TTC21B: variants seen among roughly 807,000 people sequenced by gnomAD.
TTC21B encodes the protein tetratricopeptide repeat domain 21B, also known as tetratricopeptide repeat protein 21B.
In TTC21B, 127 loss-of-function variants were observed where a neutral mutation model predicts 175.1. The observed-to-expected ratio is 0.73, with a 90% CI of 0.63 to 0.84. The LOEUF is 0.84. Among genes scored for constraint, TTC21B ranks in the 40% least tolerant of loss-of-function variants. The pLI, the probability that TTC21B is intolerant of heterozygous loss-of-function variation, is 0.00. For missense variants in TTC21B, 1,561 were observed against 1,558.3 expected (o/e 1.00, Z -0.03); for synonymous variants, 524 against 524.5 (o/e 1.00, Z 0.01).
At chr2:165,923,002 T>C (rs1325365760) in intron 12 of TTC21B, among the ~76,000 whole-genome samples, 2 of 152,144 alleles carry the variant, frequency 1.3e-5, no homozygotes, top group African/African-American at 4.8e-5. Context: ...AACCAAATAC[T>C]GTATGTTCTC....
chr2:165,888,136 T>C (rs184318067), intron 25 of TTC21B, 143 bp downstream of exon 25: 145 of 657,492 alleles, frequency 2.2e-4, no homozygotes, highest in Non-Finnish European at 4.3e-5. Flanking sequence ...GGGGACATTG[T>C]GTATGCCCAA....
rs1559046201 is a variant in TTC21B at position 165,898,677 on chromosome 2, G to A, written c.2950+9C>T. 1 of 1,578,076 alleles carries A rather than the reference G, an allele frequency of 6.3e-7. No individual in the cohort carries two copies. The highest frequency in any genetic ancestry group is 8.7e-7 in the Non-Finnish European group (1 of 1,147,198). ...CTGCACTCAAAAAATACAATAAGTA[G>A]GTATTTACCTGGCTTACGTTCTAAA... On this transcript the variant is annotated intron_variant, in intron 22 of 28. Coordinates refer to ENST00000243344, the MANE Select transcript of TTC21B (RefSeq NM_024753.5).
At chr2:165,931,567 T>C (rs1182686833) in intron 8 of TTC21B, among the ~76,000 whole-genome samples, 191 bp downstream of exon 8, 1 of 152,184 alleles carries the variant, frequency 6.6e-6, no homozygotes, top group Non-Finnish European at 1.5e-5. Context: ...ATTTCCTCCA[T>C]GAAGCCTCCA....
intron 13 of TTC21B, 73 bp downstream of exon 13, chr2:165,919,203 A>G: frequency 6.4e-7 from 1 of 1,568,006 alleles, no homozygotes; most frequent in South Asian, 1.1e-5. Flanking sequence ...ACAGGCTAAA[A>G]CACAAAATAC....
At chr2:165,934,282 G>A (rs1231888879) in intron 6 of TTC21B, among the ~76,000 whole-genome samples, 3 of 151,008 alleles carry the variant, frequency 2.0e-5, no homozygotes, top group African/African-American at 4.8e-5. Context: ...AGTCAAGAGC[G>A]AAAAAAAGAG....
intron 21 of TTC21B, 79 bp downstream of exon 21, chr2:165,899,691 T>C: frequency 1.1e-6 from 1 of 879,406 alleles, no homozygotes; most frequent in East Asian, 2.4e-5. Context: ...CCTCATCATC[T>C]AGTAGTAGTT....
chr2:165,949,432 A>G lies in TTC21B; in HGVS notation c.224T>C (p.Leu75Pro). 6.2e-7 allele frequency: 1 copy of G among 1,613,800 alleles called. No individual in the cohort carries two copies. Among genetic ancestry groups the G allele is most frequent in the Non-Finnish European group, 8.5e-7 (1 of 1,179,798 alleles). The stretch of plus-strand genomic sequence containing the variant: ...CATTTTATGGGCATATATCAGTGCA[A>G]GTAGAGAACAAAGTGATACATCTTG... ...NKQDVSLCSL[L>P]ALIYAHKMSP... Residue 75 changes from leucine (L) to proline (P), a missense_variant, in exon 3 of 29, where the codon CTT becomes CCT. By Grantham distance (98) the Leu-to-Pro change is moderately conservative. Transcript: ENST00000243344.
intron 12 of TTC21B, 96 bp from the exon 13 acceptor site, chr2:165,919,529 C>T (rs1686310293): frequency 4.4e-6 from 6 of 1,368,422 alleles, no homozygotes; most frequent in African/African-American, 1.4e-5. Flanking sequence ...TACGGATAGC[C>T]CTAGTGTTTG....
intron 7 of TTC21B, among the ~76,000 whole-genome samples, chr2:165,932,376 A>G (rs1483110983): frequency 6.6e-6 from 1 of 152,180 alleles, no homozygotes; most frequent in African/African-American, 2.4e-5. Context: ...TGAAGTATCT[A>G]TCAGGCACTG....
intron 27 of TTC21B, among the ~76,000 whole-genome samples, chr2:165,877,398 C>T (rs1684700915): frequency 6.6e-6 from 1 of 152,156 alleles, no homozygotes; most frequent in Non-Finnish European, 1.5e-5. Flanking sequence ...GTTTCATTAA[C>T]AACAGACCAC....
intron 9 of TTC21B, 123 bp downstream of exon 9, chr2:165,930,049 G>T: frequency 1.2e-6 from 1 of 866,344 alleles, no homozygotes; most frequent in Non-Finnish European, 1.8e-6. Context: ...TTCGAGTGTG[G>T]GCAGTAGAGA....
chr2:165,897,062 C>T (rs1309132566), intron 22 of TTC21B, among the ~76,000 whole-genome samples: 1 of 152,058 alleles, frequency 6.6e-6, no homozygotes, highest in Non-Finnish European at 1.5e-5. Flanking sequence ...CAACGTAGAA[C>T]AAAAAGAGAG....
intron 20 of TTC21B, 139 bp from the exon 21 acceptor site, chr2:165,900,019 A>AC (rs1400087706): frequency 1.5e-6 from 1 of 668,768 alleles, no homozygotes; most frequent in South Asian, 1.7e-5. Context: ...AAAAAAAAAA[A>AC]AAAAACAACA....
intron 4 of TTC21B, among the ~76,000 whole-genome samples, chr2:165,945,062 A>G (rs572436293): frequency 2.6e-5 from 4 of 152,334 alleles, no homozygotes; most frequent in African/African-American, 9.6e-5. Context: ...CATATCATCT[A>G]TCATTTTTCT....
intron 6 of TTC21B, among the ~76,000 whole-genome samples, chr2:165,938,774 G>C (rs1316460120): frequency 2.0e-5 from 3 of 151,952 alleles, no homozygotes; most frequent in African/African-American, 7.2e-5. Flanking sequence ...GAGAGGGAAA[G>C]AAAGAGTGAG....
At chr2:165,920,837 T>C (rs1686377180) in intron 12 of TTC21B, among the ~76,000 whole-genome samples, 1 of 152,028 alleles carries the variant, frequency 6.6e-6, no homozygotes, top group Non-Finnish European at 1.5e-5. Context: ...TCATTACTTT[T>C]GAGGAAAATA....
chr2:165,919,232 A>G (rs760200908), intron 13 of TTC21B, 44 bp downstream of exon 13: 2 of 1,604,746 alleles, frequency 1.2e-6, no homozygotes, highest in Admixed American at 3.3e-5. Flanking sequence ...GTAAGCTTTC[A>G]AGGAGGGTGA....
intron 19 of TTC21B, among the ~76,000 whole-genome samples, chr2:165,902,465 T>C (rs1280048368): frequency 3.9e-5 from 6 of 152,232 alleles, no homozygotes; most frequent in Admixed American, 3.3e-4. Context: ...CAAGGCACCC[T>C]TCTGGGGAGT....
chr2:165,912,123 A>C (rs927877231), intron 17 of TTC21B, among the ~76,000 whole-genome samples: 1 of 152,210 alleles, frequency 6.6e-6, no homozygotes, highest in South Asian at 2.1e-4. Flanking sequence ...CAAGAATATA[A>C]CAGTTCAAGA....
Sources: allele counts gnomAD v4.1 joint callset (sites outside exome capture counted in the v4.1 genomes callset), GRCh38; gene constraint gnomAD v4.1.1; transcripts MANE v1.5; gene names NCBI Gene and HGNC (gene_info 2026-07-23, HGNC 2026-07-21).